The following FSTL5 variants were observed in gnomAD, a reference collection of about 807,000 sequenced individuals.
The protein encoded by FSTL5 is follistatin-related protein 5.
Under a neutral mutation model 89.1 loss-of-function variants are expected in FSTL5, and 62 were observed. The ratio of observed to expected loss-of-function variants is 0.70; its 90% CI spans 0.57 to 0.86. The LOEUF is 0.86. Ranked by LOEUF, FSTL5 falls within the 40% of genes least tolerant of loss-of-function variation. The probability of loss-of-function intolerance (pLI) is 0.00; values close to 1 mark genes in which losing one functional copy is unlikely to be tolerated. For missense variants in FSTL5, 1,057 were observed against 1,001.6 expected, an observed-to-expected ratio of 1.06 and a Z score of -0.75; for synonymous variants, 383 against 346.2, an observed-to-expected ratio of 1.11 and a Z score of -1.18.
At position 161,977,639 on chromosome 4, in the gene FSTL5, A is replaced by AAATAATAATAATAAT. The variant is rs70937700; in HGVS notation, c.160+55971_160+55985dup. ...AAAAAAAAAAAAAAAAAAAAAAAAA[A>AAATAATAATAATAAT]AATAATAATAATAATAATAATAATA... On this transcript the variant is annotated intron_variant, in intron 3 of 15. Coordinates refer to ENST00000306100, the MANE Select transcript of FSTL5 (RefSeq NM_020116.5). Among the ~76,000 whole-genome samples the AAATAATAATAATAAT allele has an allele frequency of 5.5e-3, 556 of 100,956 alleles. 7 individuals carry two copies. Among genetic ancestry groups the AAATAATAATAATAAT allele is most frequent in the South Asian group, 0.011 (32 of 3,042 alleles). The allele number at this position is 100,956 out of a possible 152,430, so 66.2% of individuals were successfully genotyped here. A position where few individuals can be genotyped will look rare whatever the true frequency, so the allele number is the denominator to read the frequency against.
At chr4:161,485,491 T>C (rs924676422) in intron 12 of FSTL5, among the ~76,000 whole-genome samples, 1 of 152,140 alleles carries the variant, frequency 6.6e-6, no homozygotes, top group African/African-American at 2.4e-5. Context: ...GAACAGGCAG[T>C]TTCAAAGAGA....
rs1232791479 is a variant in FSTL5 at position 161,434,076 on chromosome 4, A to G, written c.1841+20928T>C. Reference sequence around the variant, plus strand: ...ACCCTAAAATGTATATGGAACCACAAATATCTCAGAATAGCCAAAGCAATC... The same window carrying G: ...ACCCTAAAATGTATATGGAACCACAGATATCTCAGAATAGCCAAAGCAATC... On this transcript the variant is annotated intron_variant, in intron 15 of 15. Coordinates refer to ENST00000306100, the MANE Select transcript of FSTL5 (RefSeq NM_020116.5). Among the ~76,000 whole-genome samples the G allele has an allele frequency of 2.6e-5, 4 of 152,112 alleles. No individual in the cohort carries two copies. The East Asian group carries it at 5.8e-4, about 22-fold the overall frequency.
At chr4:161,983,970 G>A (rs774730795) in intron 3 of FSTL5, among the ~76,000 whole-genome samples, 1 of 151,820 alleles carries the variant, frequency 6.6e-6, no homozygotes, top group South Asian at 2.1e-4. Flanking sequence ...AAACTTTCCT[G>A]AAAAAAATTT....
At chr4:161,500,816 T>C (rs1386762919) in intron 11 of FSTL5, among the ~76,000 whole-genome samples, 2 of 152,124 alleles carry the variant, frequency 1.3e-5, no homozygotes, top group East Asian at 3.9e-4. Context: ...CAGAAATTCA[T>C]CTCCCCCCAC....
Position 161,383,972 on chromosome 4 carries a change from A to G in FSTL5, c.*1775T>C, listed in dbSNP as rs573142358. On this transcript the variant is annotated 3_prime_UTR_variant, in exon 16 of 16. Transcript: ENST00000306100. ...GAGCATCCACATGGTGTAAGCTACA[A>G]AAGAAGGATGTATGCGACAGACTTA... The G allele has an allele frequency of 6.6e-6, 1 of 152,316 alleles. No individual in the cohort carries two copies. The highest frequency in any genetic ancestry group is 2.4e-5 in the African/African-American group (1 of 41,582). 9.4% of individuals were successfully genotyped at this position (152,316 alleles called of 1,614,324 possible). A position where few individuals can be genotyped will look rare whatever the true frequency, so the allele number is the denominator to read the frequency against.
At chr4:162,019,233 C>A (rs1737000887) in intron 3 of FSTL5, among the ~76,000 whole-genome samples, 1 of 152,028 alleles carries the variant, frequency 6.6e-6, no homozygotes. Context: ...TTGCACTAAT[C>A]ACGATATATG....
At chr4:161,472,684 C>T (rs1733988732) in intron 13 of FSTL5, among the ~76,000 whole-genome samples, 1 of 151,650 alleles carries the variant, frequency 6.6e-6, no homozygotes, top group Non-Finnish European at 1.5e-5. Context: ...TGGATTTCTA[C>T]TTCCACACCA....
chr4:161,943,835 G>A (rs1408437070), intron 3 of FSTL5, among the ~76,000 whole-genome samples: 1 of 151,944 alleles, frequency 6.6e-6, no homozygotes, highest in East Asian at 1.9e-4. Flanking sequence ...GATAACAGGC[G>A]TGAGCCACTG....
At chr4:162,067,237 T>C (rs1423362284) in intron 2 of FSTL5, among the ~76,000 whole-genome samples, 1 of 151,990 alleles carries the variant, frequency 6.6e-6, no homozygotes, top group Non-Finnish European at 1.5e-5. Context: ...TATTCTTTTG[T>C]AGAGTGGGTT....
chr4:161,636,077 TGG>T (rs1040943691), intron 7 of FSTL5, among the ~76,000 whole-genome samples: 5 of 148,658 alleles, frequency 3.4e-5, no homozygotes, highest in African/African-American at 1.3e-4. Flanking sequence ...TCCAAAACTC[TGG>T]TAATTGACAG....
At chr4:161,582,007 T>C (rs1187206198) in intron 8 of FSTL5, among the ~76,000 whole-genome samples, 1 of 152,242 alleles carries the variant, frequency 6.6e-6, no homozygotes, top group African/African-American at 2.4e-5. Flanking sequence ...TACTTTGATT[T>C]ATACATAATG....
chr4:161,724,251 T>G (rs1739316898), intron 6 of FSTL5, among the ~76,000 whole-genome samples: 1 of 152,074 alleles, frequency 6.6e-6, no homozygotes, highest in Non-Finnish European at 1.5e-5. Context: ...GTCTTAAATA[T>G]TACTCCTGCT....
chr4:161,395,202 A>G (rs1730955567), intron 15 of FSTL5, among the ~76,000 whole-genome samples: 1 of 152,178 alleles, frequency 6.6e-6, no homozygotes, highest in African/African-American at 2.4e-5. Context: ...TAGAAATTGC[A>G]AACATAGGGG....
At chr4:161,866,979 T>A (rs1161718403) in intron 4 of FSTL5, among the ~76,000 whole-genome samples, 1 of 152,056 alleles carries the variant, frequency 6.6e-6, no homozygotes, top group East Asian at 1.9e-4. Context: ...GCATCAAATG[T>A]AATTTGTAAT....
chr4:161,729,871 G>A (rs1197027800), intron 6 of FSTL5, among the ~76,000 whole-genome samples: 1 of 152,148 alleles, frequency 6.6e-6, no homozygotes, highest in Non-Finnish European at 1.5e-5. Flanking sequence ...AGGATTCAAA[G>A]AGAAAAATTG....
intron 8 of FSTL5, among the ~76,000 whole-genome samples, chr4:161,582,885 T>A (rs1053709187): frequency 8.5e-5 from 13 of 152,148 alleles, no homozygotes; most frequent in Admixed American, 2.6e-4. Context: ...TCATTAAAAC[T>A]TTTTTAAAAA....
chr4:161,850,771 A>C (rs976061431), intron 4 of FSTL5, among the ~76,000 whole-genome samples: 6 of 152,226 alleles, frequency 3.9e-5, no homozygotes, highest in Non-Finnish European at 8.8e-5. Flanking sequence ...ATCAACCCAA[A>C]TGCCCATCAA....
chr4:161,542,529 C>T lies in FSTL5; in HGVS notation c.1177+3G>A, dbSNP rs761676714. On this transcript the variant is annotated splice_donor_region_variant and intron_variant, in intron 9 of 15. Transcript: ENST00000306100. ...AAGAGAAAAAAAAGCAAGTAAAAAGCACCTTGAAGCGTGAGTTGTTTGGAA... is the reference window on the plus strand; with the variant it reads ...AAGAGAAAAAAAAGCAAGTAAAAAGTACCTTGAAGCGTGAGTTGTTTGGAA... 2.8e-6 allele frequency: 4 copies of T among 1,434,316 alleles called. No homozygotes were observed. The highest frequency in any genetic ancestry group is 3.7e-6 in the Non-Finnish European group (4 of 1,084,004). The allele number at this position is 1,434,316 out of a possible 1,614,324, so 88.8% of individuals were successfully genotyped here.
intron 4 of FSTL5, among the ~76,000 whole-genome samples, chr4:161,832,203 A>G (rs1730867097): frequency 6.6e-6 from 1 of 151,684 alleles, no homozygotes; most frequent in Admixed American, 6.7e-5. Context: ...GGGAAAGGAC[A>G]GGGGAAGAAT....
Sources: allele counts gnomAD v4.1 joint callset (sites outside exome capture counted in the v4.1 genomes callset), GRCh38; gene constraint gnomAD v4.1.1; transcripts MANE v1.5; gene names NCBI Gene and HGNC (gene_info 2026-07-23, HGNC 2026-07-21).